VDR: variants seen among roughly 807,000 people sequenced by gnomAD.
VDR encodes vitamin D3 receptor.
In VDR, 19 loss-of-function variants were observed where a neutral mutation model predicts 39.7. That is an observed-to-expected ratio of 0.48 (90% CI 0.33 to 0.70). The LOEUF is 0.70. Ranked by LOEUF, VDR falls within the 30% of genes least tolerant of loss-of-function variation. The pLI is 0.02. For synonymous variants in VDR, 242 were observed against 215.8 expected, an observed-to-expected ratio of 1.12 and a Z score of -1.07; for missense variants, 442 against 570.5, an observed-to-expected ratio of 0.77 and a Z score of 2.29.
chr12:47,857,186 G>T lies in VDR; in HGVS notation c.526C>A (p.Pro176Thr). ...HPSRPNSRHT[P>T]SFSGDSSSSC... ...GAGGAGGAGTCCCCAGAGAAGCTGGGAGTGTGTCTGGAGTTGGGCCTGGAA... is the reference window on the plus strand; with the variant it reads ...GAGGAGGAGTCCCCAGAGAAGCTGGTAGTGTGTCTGGAGTTGGGCCTGGAA... Residue 176 changes from proline (P) to threonine (T), a missense_variant, in exon 6 of 10, where the codon CCC (proline) becomes ACC (threonine). This residue lies in a region of VDR where 77 missense variants were observed against 67.4 expected (regional missense o/e 1.14). Transcript: ENST00000549336. 6.2e-7 allele frequency: 1 copy of T among 1,614,178 alleles called. No homozygotes were observed. The highest frequency in any genetic ancestry group is 2.2e-5 in the East Asian group (1 of 44,876).
chr12:47,844,983 G>A lies in VDR; in HGVS notation c.1047C>T (p.Ala349=), dbSNP rs890231680. ...GGTCCTGGATGGCCTCAATCAGCGCGGCGTCCTGCACCCCAGGACGATCTG... is the reference window on the plus strand; with the variant it reads ...GGTCCTGGATGGCCTCAATCAGCGCAGCGTCCTGCACCCCAGGACGATCTG... ...VSPDRPGVQD[A]ALIEAIQDRL... is the part of the protein sequence containing the mutation. Residue 349 remains alanine, a synonymous_variant, in exon 10 of 10, where the codon GCC becomes GCT. Transcript: ENST00000549336. 4.3e-6 allele frequency: 7 copies of A among 1,613,184 alleles called. No homozygotes were observed. Among genetic ancestry groups the A allele is most frequent in the Non-Finnish European group, 5.9e-6 (7 of 1,179,956 alleles).
intron 3 of VDR, among the ~76,000 whole-genome samples, chr12:47,878,581 C>G (rs1425280893): frequency 6.6e-6 from 1 of 152,178 alleles, no homozygotes; most frequent in Non-Finnish European, 1.5e-5. Context: ...AGCTCTGAAA[C>G]CAAGTTCTTG....
chr12:47,895,006 C>T (rs959716140), intron 1 of VDR, among the ~76,000 whole-genome samples: 1 of 152,230 alleles, frequency 6.6e-6, no homozygotes, highest in African/African-American at 2.4e-5. Context: ...GAAAACACTG[C>T]GACTTTACCA....
intron 1 of VDR, among the ~76,000 whole-genome samples, chr12:47,884,407 C>G (rs2238135): frequency 0.26 from 39,149 of 152,088 alleles, 5,136 homozygotes; most frequent in African/African-American, 0.32. Flanking sequence ...CCCAGGGTCC[C>G]ACAGCTAGGC....
intron 2 of VDR, 126 bp downstream of exon 2, chr12:47,882,568 A>T: frequency 1.3e-6 from 1 of 792,150 alleles, no homozygotes; most frequent in Non-Finnish European, 2.0e-6. Context: ...CCCGGGACCC[A>T]CCTTGCAAAA....
In VDR at chr12:47,882,850, CGA is replaced by C. The variant is rs1946183621; in HGVS notation, c.-83-78_-83-77del. The C allele has an allele frequency of 2.5e-6, 3 of 1,206,144 alleles. No individual in the cohort carries two copies. In the African/African-American group the frequency reaches 4.6e-5, roughly 19 times the overall value. 74.7% of individuals were successfully genotyped at this position (1,206,144 alleles called of 1,614,324 possible). A position where few individuals can be genotyped will look rare whatever the true frequency, so the allele number is the denominator to read the frequency against. ...TCCCCAGTCTCTAAGGAAGTGGGCA[CGA>C]GAGGCTCTTTCCAGGGACTTTAGTC... is the stretch of plus-strand genomic sequence containing the variant. On this transcript the variant is annotated intron_variant, in intron 1 of 9. Transcript: ENST00000549336.
chr12:47,877,282 G>C (rs1592133657), intron 3 of VDR, among the ~76,000 whole-genome samples: 1 of 152,082 alleles, frequency 6.6e-6, no homozygotes, highest in Non-Finnish European at 1.5e-5. Flanking sequence ...TGGCTGCGAG[G>C]CTTTTGTTTA....
intron 9 of VDR, 29 bp downstream of exon 9, chr12:47,846,306 C>T: frequency 6.3e-7 from 1 of 1,597,524 alleles, no homozygotes; most frequent in Non-Finnish European, 8.5e-7. Context: ...TCCCCAGGTC[C>T]CTGAGCTCCT....
intron 1 of VDR, among the ~76,000 whole-genome samples, chr12:47,884,300 C>A (rs1195218949): frequency 6.6e-6 from 1 of 152,196 alleles, no homozygotes; most frequent in Non-Finnish European, 1.5e-5. Flanking sequence ...CTAAGCTCTG[C>A]ATACATTATT....
At chr12:47,874,448 G>T (rs1328333748) in intron 3 of VDR, among the ~76,000 whole-genome samples, 3 of 152,070 alleles carry the variant, frequency 2.0e-5, no homozygotes, top group African/African-American at 7.3e-5. Flanking sequence ...AATATCAGTG[G>T]GGTGACCTTC....
At chr12:47,866,845 T>C (rs1482915815) in intron 3 of VDR, among the ~76,000 whole-genome samples, 1 of 150,716 alleles carries the variant, frequency 6.6e-6, no homozygotes, top group Non-Finnish European at 1.5e-5. Flanking sequence ...CAAAAATTAG[T>C]TGGCCATGAT....
At chr12:47,869,405 G>A (rs1418635922) in intron 3 of VDR, among the ~76,000 whole-genome samples, 2 of 151,980 alleles carry the variant, frequency 1.3e-5, no homozygotes, top group African/African-American at 4.8e-5. Context: ...GCGTGTTGGC[G>A]GGCGCCTGTA....
In VDR at chr12:47,859,906, CTTCCTTCCTTCTTTCTTTTTCTTTCT is replaced by C. The variant is rs1565615273; in HGVS notation, c.278-2244_278-2219del. On this transcript the variant is annotated intron_variant, in intron 4 of 9. Coordinates refer to ENST00000549336, the MANE Select transcript of VDR (RefSeq NM_000376.3). ...CCTTCCTTCCTTCCTTCCTTCCTTC[CTTCCTTCCTTCTTTCTTTTTCTTTCT>C]TTCTTTCTTTCTTTCTTTCTTTCTT... 7.9e-3 allele frequency among the ~76,000 whole-genome samples: 333 copies of C among 42,388 alleles called. 4 individuals carry two copies. Among genetic ancestry groups the C allele is most frequent in the African/African-American group, 0.019 (164 of 8,580 alleles). 27.8% of individuals were successfully genotyped at this position (42,388 alleles called of 152,430 possible). A position where few individuals can be genotyped will look rare whatever the true frequency, so the allele number is the denominator to read the frequency against.
At chr12:47,874,114 C>T (rs1022210651) in intron 3 of VDR, among the ~76,000 whole-genome samples, 12 of 152,172 alleles carry the variant, frequency 7.9e-5, no homozygotes, top group African/African-American at 2.9e-4. Flanking sequence ...AGTGACCTTC[C>T]CTCTCCAAAT....
chr12:47,851,798 T>C (rs1189581169), intron 7 of VDR, among the ~76,000 whole-genome samples: 1 of 152,190 alleles, frequency 6.6e-6, no homozygotes, highest in Non-Finnish European at 1.5e-5. Context: ...CTCTGGGACT[T>C]CTCAAGTCAT....
intron 1 of VDR, among the ~76,000 whole-genome samples, chr12:47,885,093 C>CT (rs1946227857): frequency 6.6e-6 from 1 of 152,204 alleles, no homozygotes; most frequent in African/African-American, 2.4e-5. Context: ...AATTCATGTT[C>CT]TGAGTACACA....
chr12:47,862,153 T>C (rs1312879011), intron 4 of VDR, among the ~76,000 whole-genome samples: 1 of 152,196 alleles, frequency 6.6e-6, no homozygotes, highest in Non-Finnish European at 1.5e-5. Context: ...GGACAGGTAA[T>C]AGTATAAGCA....
rs1436319942 is a variant in VDR at position 47,841,567 on chromosome 12, G to A, written c.*3179C>T. ...TTGCATAAAGCATTTATTTACAGCA[G>A]TACTTGCAACAAAGTAAGTGCTATA... On this transcript the variant is annotated 3_prime_UTR_variant, in exon 10 of 10. Coordinates refer to ENST00000549336, the MANE Select transcript of VDR (RefSeq NM_000376.3). 1 of 152,340 alleles carries A rather than the reference G, an allele frequency of 6.6e-6. No homozygotes were observed. 9.4% of individuals were successfully genotyped at this position (152,340 alleles called of 1,614,324 possible).
intron 2 of VDR, 69 bp downstream of exon 2, chr12:47,882,625 C>CCCA: frequency 1.9e-6 from 1 of 526,224 alleles, no homozygotes; most frequent in Non-Finnish European, 3.4e-6. Context: ...CTTCTTATGC[C>CCCA]CCTCCCCCCC....
Sources: gnomAD v4.1 joint callset for allele counts (sites outside exome capture counted in the v4.1 genomes callset) on GRCh38, gnomAD v4.1.1 for gene constraint, gnomAD v4.1.1 regional missense constraint, MANE v1.5 for transcripts, NCBI Gene and HGNC (gene_info 2026-07-23, HGNC 2026-07-21) for gene names.